C8orf34: variants seen among roughly 807,000 people sequenced by gnomAD.
C8orf34 encodes the protein uncharacterized protein C8orf34.
A neutral mutation model predicts 68.3 loss-of-function variants in C8orf34; 65 were observed. The ratio of observed to expected loss-of-function variants is 0.95; its 90% CI spans 0.78 to 1.17. C8orf34 has a LOEUF of 1.17. Among genes scored for constraint, C8orf34 ranks in the 50% most tolerant of loss-of-function variants. C8orf34 has a pLI of 0.00. For synonymous variants in C8orf34, 244 were observed against 241.2 expected, an observed-to-expected ratio of 1.01 and a Z score of -0.11; for missense variants, 664 against 655.4, an observed-to-expected ratio of 1.01 and a Z score of -0.14.
chr8:68,607,032 T>C (rs1365100034), intron 7 of C8orf34, among the ~76,000 whole-genome samples: 1 of 152,084 alleles, frequency 6.6e-6, no homozygotes, highest in Non-Finnish European at 1.5e-5. Context: ...ATGTTTACCA[T>C]TTGTGAGTGT....
At chr8:68,608,291 G>C (rs1036920722) in intron 7 of C8orf34, among the ~76,000 whole-genome samples, 7 of 148,738 alleles carry the variant, frequency 4.7e-5, no homozygotes, top group Non-Finnish European at 1.0e-4. Flanking sequence ...TGAAGGCTGT[G>C]GTAATAAAAG....
At chr8:68,607,096 C>T (rs1250887279) in intron 7 of C8orf34, among the ~76,000 whole-genome samples, 2 of 152,036 alleles carry the variant, frequency 1.3e-5, no homozygotes, top group Admixed American at 6.6e-5. Flanking sequence ...GAGTCTATCG[C>T]CAACAGCTGA....
intron 7 of C8orf34, chr8:68,534,964 A>G: frequency 1.0e-6 from 1 of 985,358 alleles, no homozygotes; most frequent in Non-Finnish European, 1.2e-6. Context: ...GTTTAATAAT[A>G]AGAGATAGTT....
intron 3 of C8orf34, among the ~76,000 whole-genome samples, chr8:68,457,745 T>A (rs1260893449): frequency 1.3e-5 from 2 of 152,060 alleles, no homozygotes; most frequent in Non-Finnish European, 2.9e-5. Flanking sequence ...TGCACTAGAG[T>A]GAGCTCTGCG....
chr8:68,419,635 A>G (rs1409610440), intron 1 of C8orf34, among the ~76,000 whole-genome samples: 1 of 151,774 alleles, frequency 6.6e-6, no homozygotes, highest in Admixed American at 6.6e-5. Flanking sequence ...ACACCATGGA[A>G]TACTATGCAG....
intron 1 of C8orf34, among the ~76,000 whole-genome samples, chr8:68,418,477 C>G (rs1030311986): frequency 6.6e-6 from 1 of 152,020 alleles, no homozygotes; most frequent in Non-Finnish European, 1.5e-5. Flanking sequence ...CCATCAATAC[C>G]TAATTTATTG....
intron 8 of C8orf34, among the ~76,000 whole-genome samples, chr8:68,664,659 T>A (rs892698889): frequency 1.3e-5 from 2 of 152,170 alleles, no homozygotes; most frequent in African/African-American, 4.8e-5. Context: ...CTGAGGAACA[T>A]CTGTAATCTG....
intron 5 of C8orf34, among the ~76,000 whole-genome samples, chr8:68,506,395 C>T (rs902602647): frequency 1.3e-5 from 2 of 152,196 alleles, no homozygotes; most frequent in African/African-American, 4.8e-5. Context: ...GATGAGGTCT[C>T]ACTATATTAC....
At chr8:68,402,192 T>C (rs1808988774) in intron 1 of C8orf34, among the ~76,000 whole-genome samples, 1 of 152,114 alleles carries the variant, frequency 6.6e-6, no homozygotes, top group African/African-American at 2.4e-5. Context: ...TTTGTGAGCA[T>C]ATAGTTGTTT....
At chr8:68,344,768 GGATAAA>G (rs1021178252) in intron 1 of C8orf34, among the ~76,000 whole-genome samples, 2 of 152,030 alleles carry the variant, frequency 1.3e-5, no homozygotes, top group African/African-American at 2.4e-5. Flanking sequence ...CAGATAGATT[GGATAAA>G]GATAAAGAAG....
intron 7 of C8orf34, among the ~76,000 whole-genome samples, chr8:68,555,870 C>G (rs920820825): frequency 6.6e-6 from 1 of 152,092 alleles, no homozygotes; most frequent in Non-Finnish European, 1.5e-5. Flanking sequence ...CTCTATTCAT[C>G]AATTTCCAGA....
At chr8:68,478,881 A>G (rs979512754) in intron 4 of C8orf34, among the ~76,000 whole-genome samples, 45 of 152,322 alleles carry the variant, frequency 3.0e-4, no homozygotes, top group African/African-American at 9.9e-4. Flanking sequence ...AACAAGTGGA[A>G]ATTACAATTT....
intron 7 of C8orf34, among the ~76,000 whole-genome samples, chr8:68,565,979 A>G (rs939268046): frequency 4.6e-5 from 7 of 152,182 alleles, no homozygotes; most frequent in African/African-American, 7.2e-5. Flanking sequence ...AGTTGGCTAA[A>G]CAAGAGTTTT....
chr8:68,407,839 C>A (rs1809265310), intron 1 of C8orf34, among the ~76,000 whole-genome samples: 1 of 152,020 alleles, frequency 6.6e-6, no homozygotes, highest in Non-Finnish European at 1.5e-5. Flanking sequence ...CCACTTATAT[C>A]TTGATTTTGG....
At chr8:68,558,596 C>A (rs9692797) in intron 7 of C8orf34, among the ~76,000 whole-genome samples, 33,083 of 150,364 alleles carry the variant, frequency 0.22, 4,787 homozygotes, top group African/African-American at 0.42. Flanking sequence ...AGAGATAGGG[C>A]GAGTGGGAAA....
Position 68,657,100 on chromosome 8 carries a change from A to G in C8orf34, c.1241+16589A>G, listed in dbSNP as rs569491914. Among the ~76,000 whole-genome samples, 24 of 152,176 alleles carry G rather than the reference A, an allele frequency of 1.6e-4. No homozygotes were observed. In the East Asian group the frequency reaches 4.1e-3, roughly 26 times the overall value. ...CCTATGAATGTCCCTCATATGCCCT[A>G]TGGTTTCCTTTCTGAAATGAACTTA... On this transcript the variant is annotated intron_variant, in intron 8 of 13. Coordinates refer to ENST00000518698, the MANE Select transcript of C8orf34 (RefSeq NM_052958.4).
intron 1 of C8orf34, among the ~76,000 whole-genome samples, chr8:68,337,408 A>G (rs1389522621): frequency 6.6e-6 from 1 of 152,196 alleles, no homozygotes; most frequent in South Asian, 2.1e-4. Context: ...TCTACAAAGT[A>G]ACTTTTCTAG....
intron 9 of C8orf34, among the ~76,000 whole-genome samples, chr8:68,710,598 C>T (rs893368312): frequency 6.6e-6 from 1 of 152,034 alleles, no homozygotes; most frequent in Non-Finnish European, 1.5e-5. Context: ...AGAACCACAC[C>T]CCCATCCACC....
At chr8:68,590,118 AAAGG>A in intron 7 of C8orf34, among the ~76,000 whole-genome samples, 1 of 149,192 alleles carries the variant, frequency 6.7e-6, no homozygotes, top group East Asian at 2.0e-4. Flanking sequence ...AAGAAAAGAG[AAAGG>A]AAGAGAAAGG....
Sources: allele counts gnomAD v4.1 joint callset (sites outside exome capture counted in the v4.1 genomes callset), GRCh38; gene constraint gnomAD v4.1.1; transcripts MANE v1.5; gene names NCBI Gene and HGNC (gene_info 2026-07-23, HGNC 2026-07-21).